Variants in SHBG observed in about 807,000 individuals in gnomAD.
SHBG encodes sex hormone-binding globulin.
SHBG carries 37 observed loss-of-function variants against 41.9 expected under a neutral mutation model. The observed-to-expected ratio is 0.88, with a 90% CI of 0.68 to 1.16. SHBG has a LOEUF of 1.16. SHBG is among the 50% of genes most tolerant of loss of function. SHBG has a pLI of 0.00. For missense variants in SHBG, 466 were observed against 499.9 expected (o/e 0.93, Z 0.65); for synonymous variants, 217 against 205.8 (o/e 1.05, Z -0.47).
In SHBG at chr17:7,630,876, T is replaced by G. The variant is rs2072385416; in HGVS notation, c.393+7T>G. Reference sequence around the variant, plus strand: ...TGATGGGAGATGGCACCAGGTAAGCTAGCTCTGGTCCTCAGGGGAGGGATG... The same window carrying G: ...TGATGGGAGATGGCACCAGGTAAGCGAGCTCTGGTCCTCAGGGGAGGGATG... On this transcript the variant is annotated splice_region_variant and intron_variant, in intron 3 of 7. Coordinates refer to ENST00000380450, the MANE Select transcript of SHBG (RefSeq NM_001040.5). This position sits in a 1 kb window ranked among gnomAD's most constrained non-coding sequence, Gnocchi z 4.6. 1.2e-6 allele frequency: 2 copies of G among 1,611,482 alleles called. No individual in the cohort carries two copies. Among genetic ancestry groups the G allele is most frequent in the Non-Finnish European group, 1.7e-6 (2 of 1,179,350 alleles).
intron 1 of SHBG, chr17:7,614,752 CG>C (rs2071931675): frequency 4.1e-6 from 1 of 246,338 alleles, no homozygotes; most frequent in Non-Finnish European, 7.6e-6. Context: ...TCTCCGCCAC[CG>C]TGAGGGAAAC....
chr17:7,627,700 G>A (rs1244323183), upstream of SHBG: 3 of 1,577,748 alleles, frequency 1.9e-6, no homozygotes, highest in Non-Finnish European at 2.6e-6. The surrounding 1 kb of genome is among the most constrained non-coding windows in gnomAD (Gnocchi z 4.8). Flanking sequence ...ACCCCTTAAA[G>A]GGCCTACGGA....
In SHBG at chr17:7,632,004, C is replaced by A. The variant is rs1039596032; in HGVS notation, c.841C>A (p.Leu281Ile). ...GAACCCATCTTGGCTCAGTCTCCAC[C>A]TCCAAGATCAAGTAAAGGGGGACAG... is the stretch of plus-strand genomic sequence containing the variant. ...PENPSWLSLH[L>I]QDQKVVLSSG... The change falls in exon 6 of 8, where the codon CTC (leucine) becomes ATC (isoleucine). Residue 281 changes from leucine to isoleucine, a missense_variant. Physicochemically the swap from Leu to Ile is conservative, Grantham distance 5. Transcript: ENST00000380450. The A allele has an allele frequency of 2.5e-6, 4 of 1,613,640 alleles. No homozygotes were observed. In the African/African-American group the frequency reaches 5.3e-5, roughly 22 times the overall value.
In SHBG at chr17:7,630,891, G is replaced by T. The variant is rs1302671576; in HGVS notation, c.393+22G>T. ...CCAGGTAAGCTAGCTCTGGTCCTCA[G>T]GGGAGGGATGTCTGGAGCTGGTCTG... On this transcript the variant is annotated intron_variant, in intron 3 of 7. Coordinates refer to ENST00000380450, the MANE Select transcript of SHBG (RefSeq NM_001040.5). The surrounding 1 kb of genome is among the most constrained non-coding windows in gnomAD (Gnocchi z 4.6). 3.1e-6 allele frequency: 5 copies of T among 1,606,086 alleles called. No individual in the cohort carries two copies. The Admixed American group carries it at 6.7e-5, about 21-fold the overall frequency.
At chr17:7,624,754 C>T (rs1019992073), upstream of SHBG, among the ~76,000 whole-genome samples, 1 of 151,722 alleles carries the variant, frequency 6.6e-6, no homozygotes, top group Non-Finnish European at 1.5e-5. Flanking sequence ...TGGGATCAAG[C>T]GATTCTCATG....
At position 7,630,459 on chromosome 17, in the gene SHBG, G is replaced by A. The variant is rs762831779; in HGVS notation, c.155G>A (p.Gly52Glu). The A allele has an allele frequency of 6.2e-7, 1 of 1,614,160 alleles. No individual in the cohort carries two copies. Among genetic ancestry groups the A allele is most frequent in the South Asian group, 1.1e-5 (1 of 91,068 alleles). ...PPAVHLSNGP[G>E]QEPIAVMTFD... is the part of the protein sequence containing the mutation. ...GCTGTCCACCTCAGCAATGGCCCAG[G>A]ACAAGAGCCTATCGCTGTCATGACC... Residue 52 changes from glycine (G) to glutamate (E), a missense_variant, in exon 2 of 8, where the codon GGA becomes GAA. Physicochemically the swap from Gly to Glu is moderately conservative, Grantham distance 98. Transcript: ENST00000380450. This position sits in a 1 kb window ranked among gnomAD's most constrained non-coding sequence, Gnocchi z 4.6.
At chr17:7,622,985 C>T (rs531948413), upstream of SHBG, among the ~76,000 whole-genome samples, 6 of 150,910 alleles carry the variant, frequency 4.0e-5, no homozygotes, top group South Asian at 2.1e-4. Context: ...TGCAGTGAGC[C>T]GAGATCGCGC....
chr17:7,614,569 T>TGCA (rs2071925466), intron 1 of SHBG: 3 of 1,363,478 alleles, frequency 2.2e-6, no homozygotes, highest in Non-Finnish European at 2.9e-6. Context: ...CGGCGGCGGC[T>TGCA]GCAGCAGCAG....
At position 7,630,885 on chromosome 17, in the gene SHBG, T is replaced by TC. The variant is rs759334514; in HGVS notation, c.393+18dup. 8.1e-5 allele frequency: 131 copies of TC among 1,609,750 alleles called. No homozygotes were observed. The highest frequency in any genetic ancestry group is 2.1e-5 in the Non-Finnish European group (25 of 1,178,334). On this transcript the variant is annotated intron_variant, in intron 3 of 7. Transcript: ENST00000380450. The surrounding 1 kb of genome is among the most constrained non-coding windows in gnomAD (Gnocchi z 4.6). ...ATGGCACCAGGTAAGCTAGCTCTGG[T>TC]CCTCAGGGGAGGGATGTCTGGAGCT...
At chr17:7,632,990 C>T in intron 7 of SHBG, 31 bp downstream of exon 7, 1 of 1,587,212 alleles carries the variant, frequency 6.3e-7, no homozygotes, top group Non-Finnish European at 8.6e-7. Flanking sequence ...AGTTCATGAG[C>T]ACAACATTGG....
chr17:7,626,999 G>A (rs749498099), upstream of SHBG: 1 of 1,613,942 alleles, frequency 6.2e-7, no homozygotes, highest in Admixed American at 1.7e-5. Context: ...TCCCTTCCAT[G>A]TACTGTAGAT....
In SHBG at chr17:7,631,262, C is replaced by A; in HGVS notation, c.456C>A (p.Arg152=). ...LLEVDGEEVL[R]LRQVSGPLTS... Reference sequence around the variant, plus strand: ...AGGTGGATGGGGAGGAGGTGCTGCGCCTGAGACAGGTCTCTGGGCCCCTGA... The same window carrying A: ...AGGTGGATGGGGAGGAGGTGCTGCGACTGAGACAGGTCTCTGGGCCCCTGA... Residue 152 remains arginine, a synonymous_variant, in exon 4 of 8, where the codon CGC becomes CGA. Coordinates refer to ENST00000380450, the MANE Select transcript of SHBG (RefSeq NM_001040.5). 1 of 1,610,978 alleles carries A rather than the reference C, an allele frequency of 6.2e-7. No individual in the cohort carries two copies.
upstream of SHBG, among the ~76,000 whole-genome samples, chr17:7,629,780 C>G (rs551041350): frequency 1.3e-5 from 2 of 152,326 alleles, no homozygotes; most frequent in East Asian, 3.9e-4. Flanking sequence ...AGTCCTGATA[C>G]AGGATGCTAC....
At chr17:7,627,626 C>T (rs552962775), upstream of SHBG, 46 of 1,613,866 alleles carry the variant, frequency 2.9e-5, no homozygotes, top group South Asian at 4.6e-4. This position sits in a 1 kb window ranked among gnomAD's most constrained non-coding sequence, Gnocchi z 4.8. Flanking sequence ...CGGATCCGCA[C>T]GGAAGCCATC....
upstream of SHBG, among the ~76,000 whole-genome samples, chr17:7,629,610 C>A (rs181996667): frequency 9.5e-4 from 144 of 152,172 alleles, 1 homozygote; most frequent in African/African-American, 3.3e-3. Flanking sequence ...GACCAGATGC[C>A]AGGCACTGTG....
chr17:7,628,094 G>A, upstream of SHBG: 1 of 464,814 alleles, frequency 2.2e-6, no homozygotes, highest in South Asian at 1.5e-5. Context: ...TTTTTAAATT[G>A]ACATATGCAG....
intron 6 of SHBG, 44 bp downstream of exon 6, chr17:7,632,059 G>A: frequency 6.2e-7 from 1 of 1,600,218 alleles, no homozygotes; most frequent in Non-Finnish European, 8.5e-7. Flanking sequence ...AGTGGAGCCT[G>A]GAGCAATGAG....
intron 1 of SHBG, among the ~76,000 whole-genome samples, chr17:7,621,601 T>TAAAAAAA (rs747951932): frequency 2.1e-5 from 1 of 46,946 alleles, no homozygotes; most frequent in Non-Finnish European, 3.8e-5. Context: ...AGTCTCCGTC[T>TAAAAAAA]AAAAAAAAAA....
upstream of SHBG, among the ~76,000 whole-genome samples, chr17:7,624,317 A>G (rs180677275): frequency 1.5e-3 from 226 of 151,528 alleles, no homozygotes; most frequent in Non-Finnish European, 2.4e-3. Context: ...GCACAATCTC[A>G]GCTCACTGCA....
Sources: gnomAD v4.1 joint callset for allele counts (sites outside exome capture counted in the v4.1 genomes callset) on GRCh38, gnomAD v4.1.1 for gene constraint, Gnocchi (gnomAD v3.1) non-coding constraint, MANE v1.5 for transcripts, NCBI Gene and HGNC (gene_info 2026-07-23, HGNC 2026-07-21) for gene names.